Variants in ATP8A2 observed in about 807,000 individuals in gnomAD.
The protein encoded by ATP8A2 is ATPase phospholipid transporting 8A2, also known as phospholipid-transporting ATPase IB.
ATP8A2 carries 100 observed loss-of-function variants against 165.6 expected under a neutral mutation model. The ratio of observed to expected loss-of-function variants is 0.60; its 90% CI spans 0.51 to 0.71. ATP8A2 has a LOEUF of 0.71. Ranked by LOEUF, ATP8A2 falls within the 30% of genes least tolerant of loss-of-function variation. ATP8A2 has a pLI of 0.00. For synonymous variants in ATP8A2, 543 were observed against 548.8 expected (o/e 0.99, Z 0.15); for missense variants, 1,227 against 1,479.5 (o/e 0.83, Z 2.80).
Position 25,469,046 on chromosome 13 carries a change from A to G in ATP8A2, c.146A>G (p.Asp49Gly), listed in dbSNP as rs1476635278. ...DEMSRATSVG[D>G]QLEAPARTIY... ...ATGTCCCGGGCCACGTCTGTTGGAG[A>G]CCAGCTGGAGGCACCCGCCCGCACC... Residue 49 changes from aspartate to glycine, a missense_variant, in exon 2 of 37, where the codon GAC becomes GGC. This residue lies in a region of ATP8A2 where 356 missense variants were observed against 394.9 expected (regional missense o/e 0.90). Transcript: ENST00000381655. 6.2e-7 allele frequency: 1 copy of G among 1,613,984 alleles called. No individual in the cohort carries two copies. Among genetic ancestry groups the G allele is most frequent in the Non-Finnish European group, 8.5e-7 (1 of 1,179,906 alleles).
intron 13 of ATP8A2, among the ~76,000 whole-genome samples, chr13:25,555,896 A>G (rs2038966534): frequency 6.7e-6 from 1 of 150,222 alleles, no homozygotes; most frequent in Admixed American, 6.7e-5. Flanking sequence ...TTCTTGCATT[A>G]ATTCTCTTAA....
chr13:25,872,568 C>G (rs906783997), intron 33 of ATP8A2, among the ~76,000 whole-genome samples: 5 of 152,184 alleles, frequency 3.3e-5, no homozygotes, highest in African/African-American at 9.7e-5. Flanking sequence ...CTTCCCCCAG[C>G]TTCTTTACCC....
At chr13:25,720,057 C>G (rs1057171193) in intron 25 of ATP8A2, among the ~76,000 whole-genome samples, 1 of 152,118 alleles carries the variant, frequency 6.6e-6, no homozygotes, top group African/African-American at 2.4e-5. Context: ...CTTCAAGTCT[C>G]TCTCCTGATT....
chr13:25,931,282 A>G (rs1252494169), intron 33 of ATP8A2, among the ~76,000 whole-genome samples: 3 of 152,218 alleles, frequency 2.0e-5, no homozygotes, highest in Non-Finnish European at 4.4e-5. Flanking sequence ...TGAAATGTAA[A>G]TGAATTTCGT....
chr13:25,840,600 C>T (rs1345737906), intron 30 of ATP8A2, among the ~76,000 whole-genome samples: 4 of 152,018 alleles, frequency 2.6e-5, no homozygotes, highest in African/African-American at 7.2e-5. Flanking sequence ...GCTTTCTAGC[C>T]CCACCCCAAA....
intron 1 of ATP8A2, among the ~76,000 whole-genome samples, chr13:25,450,277 A>G (rs1004752600): frequency 2.0e-5 from 3 of 152,202 alleles, no homozygotes; most frequent in Non-Finnish European, 4.4e-5. Flanking sequence ...CAGTGCTGCA[A>G]TGAACATGCG....
At chr13:25,643,746 T>TG (rs1351032679) in intron 24 of ATP8A2, among the ~76,000 whole-genome samples, 1 of 151,976 alleles carries the variant, frequency 6.6e-6, no homozygotes, top group Admixed American at 6.6e-5. Context: ...TGTTTTGTTT[T>TG]TTTTTTCAGT....
In ATP8A2 at chr13:25,769,136, T is replaced by C. The variant is rs1465861154; in HGVS notation, c.2475T>C (p.Asp825=). ...ITLAIGDGAN[D]VGMIQTAHVG... ...TCGCCATCGGAGACGGCGCCAACGA[T>C]GTCGGGATGATCCAGACAGCCCACG... The change falls in exon 26 of 37, where the codon GAT becomes GAC. Residue 825 remains aspartate (D), a synonymous_variant. Coordinates refer to ENST00000381655, the MANE Select transcript of ATP8A2 (RefSeq NM_016529.6). 9.3e-6 allele frequency: 15 copies of C among 1,614,028 alleles called. No homozygotes were observed. The highest frequency in any genetic ancestry group is 1.3e-5 in the Non-Finnish European group (15 of 1,180,032).
chr13:25,560,336 C>G (rs1220566144), intron 15 of ATP8A2, among the ~76,000 whole-genome samples: 1 of 152,104 alleles, frequency 6.6e-6, no homozygotes, highest in Non-Finnish European at 1.5e-5. Context: ...GGCAGCCAAC[C>G]TCAGTGCTTT....
intron 1 of ATP8A2, among the ~76,000 whole-genome samples, chr13:25,464,501 T>C (rs1456383113): frequency 6.8e-6 from 1 of 147,994 alleles, no homozygotes; most frequent in Non-Finnish European, 1.5e-5. Context: ...ACTCAGAGGG[T>C]AGAAGACGGC....
intron 33 of ATP8A2, among the ~76,000 whole-genome samples, chr13:25,922,042 G>A (rs1954475453): frequency 6.6e-6 from 1 of 151,996 alleles, no homozygotes; most frequent in Admixed American, 6.6e-5. Flanking sequence ...CATTTTTGGG[G>A]TTTTAGAATA....
intron 33 of ATP8A2, among the ~76,000 whole-genome samples, chr13:25,916,790 T>G (rs939280034): frequency 6.6e-6 from 1 of 151,518 alleles, no homozygotes; most frequent in Admixed American, 6.6e-5. Context: ...ACCTTAACTC[T>G]GAACAGAGTG....
intron 33 of ATP8A2, among the ~76,000 whole-genome samples, chr13:25,930,510 A>G (rs910389488): frequency 6.6e-6 from 1 of 151,986 alleles, no homozygotes; most frequent in Non-Finnish European, 1.5e-5. Context: ...CTCAAATACT[A>G]CCTCGTGAGG....
chr13:25,422,060 G>C (rs2034315947), intron 1 of ATP8A2, among the ~76,000 whole-genome samples: 1 of 152,154 alleles, frequency 6.6e-6, no homozygotes, highest in African/African-American at 2.4e-5. Flanking sequence ...ATGAAAAGAG[G>C]TGTAGGGCTC....
rs567266110 is a variant in ATP8A2 at position 25,567,445 on chromosome 13, C to T, written c.1474-3322C>T. The T allele has an allele frequency of 2.5e-3, 1,129 of 454,460 alleles. 28 individuals carry two copies. Among genetic ancestry groups the T allele is most frequent in the South Asian group, 0.017 (1,106 of 64,140 alleles). The allele number at this position is 454,460 out of a possible 1,614,324, so 28.2% of individuals were successfully genotyped here. A position where few individuals can be genotyped will look rare whatever the true frequency, so the allele number is the denominator to read the frequency against. ...CTTTCCTTTCCTCCTCATCGTCTGC[C>T]CTCCTGAGCCAAATTTCTTTTTAGT... On this transcript the variant is annotated intron_variant, in intron 16 of 36. Coordinates refer to ENST00000381655, the MANE Select transcript of ATP8A2 (RefSeq NM_016529.6).
At chr13:25,900,538 A>G (rs1953710789) in intron 33 of ATP8A2, among the ~76,000 whole-genome samples, 1 of 152,068 alleles carries the variant, frequency 6.6e-6, no homozygotes, top group Non-Finnish European at 1.5e-5. Context: ...TGAGTTGTCC[A>G]TTTCTCATTT....
chr13:25,952,289 C>A (rs1463468342), intron 33 of ATP8A2, among the ~76,000 whole-genome samples: 1 of 152,102 alleles, frequency 6.6e-6, no homozygotes, highest in African/African-American at 2.4e-5. Flanking sequence ...AAATGAAGAA[C>A]TAGATTTCAG....
At chr13:25,477,405 G>C (rs1232329932) in intron 2 of ATP8A2, among the ~76,000 whole-genome samples, 1 of 152,208 alleles carries the variant, frequency 6.6e-6, no homozygotes, top group East Asian at 1.9e-4. Context: ...AATTGGAAGA[G>C]ACCCAAGACG....
intron 24 of ATP8A2, among the ~76,000 whole-genome samples, chr13:25,686,401 G>T (rs780508713): frequency 1.3e-5 from 2 of 152,054 alleles, no homozygotes; most frequent in East Asian, 3.9e-4. Context: ...TGGGGAGGTG[G>T]GTCCAGAGGA....
Sources: gnomAD v4.1 joint callset for allele counts (sites outside exome capture counted in the v4.1 genomes callset) on GRCh38, gnomAD v4.1.1 for gene constraint, gnomAD v4.1.1 regional missense constraint, MANE v1.5 for transcripts, NCBI Gene and HGNC (gene_info 2026-07-23, HGNC 2026-07-21) for gene names.